Variants in MCPH1 observed in about 807,000 individuals in gnomAD.
MCPH1 encodes microcephalin 1.
MCPH1 carries 104 observed loss-of-function variants against 84.5 expected under a neutral mutation model. The observed-to-expected ratio is 1.23, with a 90% confidence interval of 1.05 to 1.45. The LOEUF (loss-of-function observed/expected upper bound fraction) is 1.45. MCPH1 is among the 40% of genes most tolerant of loss of function. The probability of loss-of-function intolerance (pLI) is 0.00; values close to 1 mark genes in which losing one functional copy is unlikely to be tolerated. For missense variants in MCPH1, 1,498 were observed against 1,005.7 expected, an observed-to-expected ratio of 1.49 and a Z score of -6.62; for synonymous variants, 514 against 366.8, an observed-to-expected ratio of 1.40 and a Z score of -4.58.
At chr8:6,489,182 A>G (rs1414373694) in intron 11 of MCPH1, among the ~76,000 whole-genome samples, 2 of 152,170 alleles carry the variant, frequency 1.3e-5, no homozygotes, top group East Asian at 3.9e-4. Flanking sequence ...ATATATGTAC[A>G]AATATTCAGA....
chr8:6,430,576 A>C (rs1801698773), intron 3 of MCPH1, among the ~76,000 whole-genome samples: 1 of 152,212 alleles, frequency 6.6e-6, no homozygotes, highest in Non-Finnish European at 1.5e-5. Flanking sequence ...TATATTTTGT[A>C]GAAATTTCTA....
intron 11 of MCPH1, among the ~76,000 whole-genome samples, chr8:6,492,921 C>G (rs142090279): frequency 4.6e-5 from 7 of 151,976 alleles, no homozygotes; most frequent in Non-Finnish European, 1.0e-4. Context: ...TGGTACGTGG[C>G]TCTAGGGAGG....
chr8:6,518,023 T>C (rs1816606127), intron 12 of MCPH1, among the ~76,000 whole-genome samples: 1 of 152,226 alleles, frequency 6.6e-6, no homozygotes, highest in South Asian at 2.1e-4. Flanking sequence ...CTGAGGCTCA[T>C]ATAATCCCAG....
intron 10 of MCPH1, among the ~76,000 whole-genome samples, chr8:6,478,718 G>A (rs561492036): frequency 1.3e-5 from 2 of 151,962 alleles, no homozygotes; most frequent in Non-Finnish European, 2.9e-5. Context: ...GTAGTTTAGA[G>A]CTTTTTACTT....
rs1185333543 is a variant in MCPH1, at chr8:6,505,399, AAT to A, written c.2214+5479_2214+5480del. ...ATATATTCTTTCTATATGTATATAGAATATATATATTCTTTATATACATAAAG... is the reference window on the plus strand; with the variant it reads ...ATATATTCTTTCTATATGTATATAGAATATATATTCTTTATATACATAAAG... On this transcript the variant is annotated intron_variant, in intron 12 of 13. Coordinates refer to ENST00000344683, the MANE Select transcript of MCPH1 (RefSeq NM_024596.5). Among the ~76,000 whole-genome samples the A allele has an allele frequency of 3.8e-5, 3 of 78,672 alleles. No homozygotes were observed. In the East Asian group the frequency reaches 7.5e-4, roughly 20 times the overall value. The allele number at this position is 78,672 out of a possible 152,430, so 51.6% of individuals were successfully genotyped here.
intron 11 of MCPH1, among the ~76,000 whole-genome samples, chr8:6,494,888 G>T (rs1165875421): frequency 6.6e-6 from 1 of 152,116 alleles, no homozygotes; most frequent in East Asian, 1.9e-4. Context: ...ATGGTTAATT[G>T]TATATTATGC....
chr8:6,496,314 G>A (rs1811220880), intron 11 of MCPH1, among the ~76,000 whole-genome samples: 1 of 152,126 alleles, frequency 6.6e-6, no homozygotes, highest in African/African-American at 2.4e-5. Context: ...TGATCTGACA[G>A]GAGGTGGAGC....
At chr8:6,499,203 T>C (rs1811684439) in intron 11 of MCPH1, among the ~76,000 whole-genome samples, 1 of 152,154 alleles carries the variant, frequency 6.6e-6, no homozygotes. Flanking sequence ...GAGAGACGGC[T>C]GCAGAACCTC....
At chr8:6,422,892 G>T (rs984107859) in intron 3 of MCPH1, among the ~76,000 whole-genome samples, 43 of 152,042 alleles carry the variant, frequency 2.8e-4, no homozygotes, top group Admixed American at 3.3e-4. Context: ...GTTTCACTGT[G>T]TTAGCCAGGA....
chr8:6,411,032 T>C (rs993734972), intron 2 of MCPH1, among the ~76,000 whole-genome samples: 2 of 151,914 alleles, frequency 1.3e-5, no homozygotes, highest in Admixed American at 6.6e-5. Flanking sequence ...GGAGGTTGCA[T>C]TGAGCCGAGA....
At chr8:6,510,622 A>T (rs1393735234) in intron 12 of MCPH1, among the ~76,000 whole-genome samples, 1 of 152,234 alleles carries the variant, frequency 6.6e-6, no homozygotes. Flanking sequence ...ACTGAGGTTC[A>T]GAGATATAAA....
At chr8:6,594,589 C>A (rs1045521521) in intron 12 of MCPH1, among the ~76,000 whole-genome samples, 1 of 152,212 alleles carries the variant, frequency 6.6e-6, no homozygotes, top group East Asian at 1.9e-4. Context: ...AGAGCCTGCT[C>A]GCATCAGGCC....
chr8:6,432,167 T>A (rs1801936043), intron 4 of MCPH1, among the ~76,000 whole-genome samples: 1 of 152,228 alleles, frequency 6.6e-6, no homozygotes, highest in Non-Finnish European at 1.5e-5. Flanking sequence ...ACAGGGTCTT[T>A]CTATGTTGCC....
At chr8:6,412,184 G>A (rs781369427) in intron 2 of MCPH1, among the ~76,000 whole-genome samples, 2 of 152,170 alleles carry the variant, frequency 1.3e-5, no homozygotes, top group African/African-American at 2.4e-5. Context: ...AGCAGGGCCT[G>A]CACTGCAGGA....
At chr8:6,509,632 G>A (rs998765307) in intron 12 of MCPH1, among the ~76,000 whole-genome samples, 5 of 152,224 alleles carry the variant, frequency 3.3e-5, no homozygotes, top group African/African-American at 1.2e-4. Context: ...AGGAACAAAT[G>A]TCGGAGTAAG....
In MCPH1 at chr8:6,499,706, C is replaced by A. The variant is rs564670184; in HGVS notation, c.2137-146C>A. ...ATAACATTTATGCAACATGAAGATT[C>A]TGAAGGGACTTTGTTGTCTGAGAAC... is the stretch of plus-strand genomic sequence containing the variant. On this transcript the variant is annotated intron_variant, in intron 11 of 13. Coordinates refer to ENST00000344683, the MANE Select transcript of MCPH1 (RefSeq NM_024596.5). 7.1e-5 allele frequency: 49 copies of A among 690,838 alleles called. No homozygotes were observed. In the East Asian group the frequency reaches 1.2e-3, roughly 17 times the overall value. The allele number at this position is 690,838 out of a possible 1,614,324, so 42.8% of individuals were successfully genotyped here.
chr8:6,431,312 A>G (rs1801799109), intron 3 of MCPH1, among the ~76,000 whole-genome samples, 187 bp from the exon 4 acceptor site: 1 of 152,238 alleles, frequency 6.6e-6, no homozygotes, highest in South Asian at 2.1e-4. Flanking sequence ...AATACCAGAT[A>G]GAGATGATTT....
chr8:6,448,097 A>G (rs1804659015), intron 8 of MCPH1, among the ~76,000 whole-genome samples: 1 of 152,172 alleles, frequency 6.6e-6, no homozygotes. Context: ...AGCAGCGTGC[A>G]CCCTCATAGA....
chr8:6,488,590 T>TGGCAC (rs1382932260), intron 11 of MCPH1, among the ~76,000 whole-genome samples: 1 of 152,172 alleles, frequency 6.6e-6, no homozygotes, highest in African/African-American at 2.4e-5. Flanking sequence ...TTAATGCACC[T>TGGCAC]GGCACAGAAA....
Sources: allele counts gnomAD v4.1 joint callset (sites outside exome capture counted in the v4.1 genomes callset), GRCh38; gene constraint gnomAD v4.1.1; transcripts MANE v1.5; gene names NCBI Gene and HGNC (gene_info 2026-07-23, HGNC 2026-07-21).